Variants in RNLS observed in about 807,000 individuals in gnomAD.
RNLS encodes the protein renalase.
A neutral mutation model predicts 39.8 loss-of-function variants in RNLS; 39 were observed. That is an observed-to-expected ratio of 0.98 (90% CI 0.76 to 1.28). The LOEUF is 1.28. RNLS is among the 50% of genes most tolerant of loss of function. The pLI, the probability that RNLS is intolerant of heterozygous loss-of-function variation, is 0.00. For synonymous variants in RNLS, 147 were observed against 150.7 expected (o/e 0.98, Z 0.18); for missense variants, 410 against 413.3 (o/e 0.99, Z 0.07).
intron 4 of RNLS, among the ~76,000 whole-genome samples, chr10:88,487,450 T>C (rs1056038001): frequency 1.3e-5 from 2 of 152,084 alleles, no homozygotes; most frequent in African/African-American, 4.8e-5. Context: ...GAAGAAGACA[T>C]ATAGATGGTA....
chr10:88,487,997 T>C (rs575370358), intron 4 of RNLS, among the ~76,000 whole-genome samples: 2 of 152,248 alleles, frequency 1.3e-5, no homozygotes, highest in East Asian at 3.9e-4. Flanking sequence ...TAATTCCATT[T>C]ATATAAAATT....
intron 6 of RNLS, among the ~76,000 whole-genome samples, chr10:88,312,734 C>T (rs1281812646): frequency 1.3e-5 from 2 of 151,946 alleles, no homozygotes; most frequent in South Asian, 2.1e-4. Context: ...CCACTAGATA[C>T]ATTTTTAATT....
chr10:88,268,599 C>G, the RNLS span, among the ~76,000 whole-genome samples: 1 of 152,170 alleles, frequency 6.6e-6, no homozygotes, highest in Non-Finnish European at 1.5e-5. Flanking sequence ...TACAGGCAGA[C>G]AGGCCAGGGC....
At chr10:88,172,168 C>A in the RNLS span, among the ~76,000 whole-genome samples, 1 of 152,036 alleles carries the variant, frequency 6.6e-6, no homozygotes, top group Admixed American at 6.6e-5. Flanking sequence ...ATATTGATTT[C>A]CTTTCTTTTG....
At chr10:88,317,502 C>T (rs143893253) in intron 5 of RNLS, among the ~76,000 whole-genome samples, 11 of 152,308 alleles carry the variant, frequency 7.2e-5, no homozygotes, top group African/African-American at 1.9e-4. Flanking sequence ...TACATCAACA[C>T]CCCAGCGACA....
At chr10:88,238,726 C>A in the RNLS span, among the ~76,000 whole-genome samples, 1 of 152,158 alleles carries the variant, frequency 6.6e-6, no homozygotes, top group Non-Finnish European at 1.5e-5. Context: ...TTTTATGAGG[C>A]TGGGAGTAGG....
intron 4 of RNLS, among the ~76,000 whole-genome samples, chr10:88,419,982 C>T (rs530994169): frequency 6.6e-6 from 1 of 151,258 alleles, no homozygotes; most frequent in African/African-American, 2.4e-5. Context: ...TGCACTCCAG[C>T]CTGGGCAACA....
chr10:88,287,593 T>G (rs2018705), intron 6 of RNLS, among the ~76,000 whole-genome samples: 37,842 of 152,004 alleles, frequency 0.25, 4,698 homozygotes, highest in South Asian at 0.31. Context: ...TATTAAGAAC[T>G]TCCCTGAGAC....
chr10:88,304,546 T>C (rs1430538911), intron 6 of RNLS, among the ~76,000 whole-genome samples: 2 of 152,098 alleles, frequency 1.3e-5, no homozygotes, highest in Non-Finnish European at 2.9e-5. Flanking sequence ...CATAATGCAA[T>C]CACTAGTATT....
At chr10:88,437,649 G>A (rs1841485559) in intron 4 of RNLS, among the ~76,000 whole-genome samples, 1 of 152,092 alleles carries the variant, frequency 6.6e-6, no homozygotes, top group South Asian at 2.1e-4. Flanking sequence ...TAACTCATGA[G>A]TCATGCAAGG....
At chr10:88,175,001 C>T in the RNLS span, among the ~76,000 whole-genome samples, 1 of 152,020 alleles carries the variant, frequency 6.6e-6, no homozygotes, top group African/African-American at 2.4e-5. Flanking sequence ...TTATATGTGA[C>T]CAGATGTTTA....
At chr10:88,250,407 G>T in the RNLS span, among the ~76,000 whole-genome samples, 1 of 152,198 alleles carries the variant, frequency 6.6e-6, no homozygotes, top group South Asian at 2.1e-4. Flanking sequence ...TGAAGCAAAG[G>T]CTATGAACTC....
At chr10:88,534,006 C>G (rs927441601) in intron 4 of RNLS, among the ~76,000 whole-genome samples, 3 of 151,940 alleles carry the variant, frequency 2.0e-5, no homozygotes, top group Admixed American at 2.0e-4. Context: ...AAATAACTAA[C>G]AAAGAAGGAA....
At chr10:88,568,808 T>TA (rs567043583) in intron 4 of RNLS, among the ~76,000 whole-genome samples, 270 of 152,334 alleles carry the variant, frequency 1.8e-3, no homozygotes, top group Middle Eastern at 3.4e-3. Context: ...TTTTTGAAGA[T>TA]ACATTCGTTG....
intron 5 of RNLS, among the ~76,000 whole-genome samples, chr10:88,345,619 T>C (rs1437848051): frequency 1.3e-5 from 2 of 152,210 alleles, no homozygotes; most frequent in Non-Finnish European, 2.9e-5. Context: ...TGACAACAAT[T>C]ATAAAGTTGG....
At chr10:88,281,692 G>A (rs1393939422), downstream of RNLS, among the ~76,000 whole-genome samples, 1 of 152,070 alleles carries the variant, frequency 6.6e-6, no homozygotes, top group Non-Finnish European at 1.5e-5. Flanking sequence ...ATCAACATAA[G>A]GGTTGTCCAA....
the RNLS span, among the ~76,000 whole-genome samples, chr10:88,241,263 T>C: frequency 6.6e-6 from 1 of 150,694 alleles, no homozygotes; most frequent in African/African-American, 2.4e-5. Flanking sequence ...AAAAAAAAAG[T>C]CCGCAAAGTT....
intron 4 of RNLS, among the ~76,000 whole-genome samples, chr10:88,524,570 C>T (rs1846966118): frequency 6.6e-6 from 1 of 151,964 alleles, no homozygotes; most frequent in Admixed American, 6.6e-5. Flanking sequence ...TTTCTATTAG[C>T]TATTTAAATT....
intron 3 of RNLS, among the ~76,000 whole-genome samples, chr10:88,580,554 T>C (rs937868615): frequency 6.6e-6 from 1 of 152,230 alleles, no homozygotes; most frequent in African/African-American, 2.4e-5. Flanking sequence ...AGAAGCTTCA[T>C]TCTCCTTTAA....
Sources: gnomAD v4.1 joint callset for allele counts (sites outside exome capture counted in the v4.1 genomes callset) on GRCh38, gnomAD v4.1.1 for gene constraint, MANE v1.5 for transcripts, NCBI Gene and HGNC (gene_info 2026-07-23, HGNC 2026-07-21) for gene names.